Variants in IFT70B observed in about 807,000 individuals in gnomAD.
IFT70B encodes the protein intraflagellar transport 70B, also known as intraflagellar transport protein 70B.
the IFT70B span, chr2:177,550,533 T>C: frequency 1.8e-5 from 7 of 387,384 alleles, no homozygotes; most frequent in Admixed American, 1.3e-4. Context: ...TTACAACTTC[T>C]GATATAAACA....
chr2:177,550,917 A>C, the IFT70B span: 1 of 1,614,158 alleles, frequency 6.2e-7, no homozygotes, highest in East Asian at 2.2e-5. Context: ...ACAGTGTTCT[A>C]GAAACTGGAC....
chr2:177,551,126 C>G, the IFT70B span: 6 of 1,614,130 alleles, frequency 3.7e-6, no homozygotes, highest in Middle Eastern at 3.3e-4. Context: ...TCACCAAATT[C>G]ACAATGCAGA....
the IFT70B span, chr2:177,549,193 A>C: frequency 1.3e-5 from 2 of 152,236 alleles, no homozygotes; most frequent in Non-Finnish European, 2.9e-5. Context: ...GGATGCAGTG[A>C]AGAGGTCACT....
chr2:177,552,772 CG>C, the IFT70B span: 6 of 1,533,888 alleles, frequency 3.9e-6, no homozygotes, highest in East Asian at 1.1e-4. Context: ...ATAACCACCA[CG>C]GCTGTTATGG....
the IFT70B span, chr2:177,552,075 G>C: frequency 6.2e-7 from 1 of 1,614,112 alleles, no homozygotes. Context: ...GCCCTCAGTG[G>C]TCATGCCCAC....
At chr2:177,552,512 G>T in the IFT70B span, 3 of 1,602,774 alleles carry the variant, frequency 1.9e-6, no homozygotes, top group Admixed American at 1.7e-5. Context: ...CCTGGGCCTG[G>T]TACAGGCGGT....
the IFT70B span, chr2:177,551,048 T>C: frequency 8.7e-6 from 14 of 1,614,012 alleles, no homozygotes; most frequent in South Asian, 6.6e-5. Flanking sequence ...TGTTGTAAGG[T>C]TCCAAGCTTT....
At chr2:177,551,781 A>T in the IFT70B span, 2 of 1,614,264 alleles carry the variant, frequency 1.2e-6, no homozygotes, top group Non-Finnish European at 1.7e-6. Flanking sequence ...ACAGTAGAGC[A>T]GCAACAGGTT....
chr2:177,550,885 G>C, the IFT70B span: 2 of 1,614,026 alleles, frequency 1.2e-6, no homozygotes, highest in Non-Finnish European at 1.7e-6. Context: ...ATAACAGCAG[G>C]TATGTTTCTG....
the IFT70B span, chr2:177,550,693 A>G: frequency 7.5e-7 from 1 of 1,324,646 alleles, no homozygotes; most frequent in Admixed American, 2.4e-5. Flanking sequence ...AAATATAAAG[A>G]TGCCAAAGGG....
the IFT70B span, chr2:177,552,337 C>T: frequency 6.2e-7 from 1 of 1,614,132 alleles, no homozygotes; most frequent in African/African-American, 1.3e-5. Context: ...TCTCCCCCTT[C>T]CCTACTCGGC....
At chr2:177,551,728 T>C in the IFT70B span, 1 of 1,614,174 alleles carries the variant, frequency 6.2e-7, no homozygotes, top group Non-Finnish European at 8.5e-7. Context: ...AAATGGGCAT[T>C]TTCTGCCAGG....
chr2:177,552,220 G>T, the IFT70B span: 2 of 1,614,126 alleles, frequency 1.2e-6, no homozygotes, highest in Non-Finnish European at 1.7e-6. Flanking sequence ...CCCGAGGCCT[G>T]CAGGGCGGCA....
chr2:177,551,748 G>T, the IFT70B span: 29 of 1,614,106 alleles, frequency 1.8e-5, no homozygotes, highest in Non-Finnish European at 2.4e-5. Flanking sequence ...GACATCTGCT[G>T]CCAGGTCAAA....
the IFT70B span, chr2:177,552,776 TG>T: frequency 6.6e-7 from 1 of 1,518,906 alleles, no homozygotes; most frequent in Non-Finnish European, 8.8e-7. Flanking sequence ...CCACCACGGC[TG>T]TTATGGGTGC....
chr2:177,550,721 A>C, the IFT70B span: 4 of 1,500,354 alleles, frequency 2.7e-6, no homozygotes, highest in Non-Finnish European at 2.7e-6. Context: ...AGCGATGCAA[A>C]TTTACATAAC....
the IFT70B span, chr2:177,551,428 T>A: frequency 6.2e-7 from 1 of 1,614,168 alleles, no homozygotes; most frequent in African/African-American, 1.3e-5. Context: ...TTGCGGAAGA[T>A]CTTTTCCACC....
chr2:177,552,638 A>G, the IFT70B span: 21 of 1,590,216 alleles, frequency 1.3e-5, 1 homozygote, highest in East Asian at 4.6e-5. Context: ...CGCGGCTCCT[A>G]GGGCTCCGCT....
the IFT70B span, chr2:177,552,081 CCCA>C: frequency 6.2e-7 from 1 of 1,614,240 alleles, no homozygotes; most frequent in South Asian, 1.1e-5. Context: ...AGTGGTCATG[CCCA>C]CACCTAGCTC....
Sources: allele counts gnomAD v4.1 joint callset, GRCh38; gene constraint gnomAD v4.1.1; transcripts MANE v1.5; gene names NCBI Gene and HGNC (gene_info 2026-07-23, HGNC 2026-07-21).